TRPC6: variants seen among roughly 807,000 people sequenced by gnomAD.
TRPC6 encodes the protein short transient receptor potential channel 6.
Under a neutral mutation model 90.7 loss-of-function variants are expected in TRPC6, and 55 were observed. The observed-to-expected ratio is 0.61, with a 90% CI of 0.49 to 0.76. The LOEUF (loss-of-function observed/expected upper bound fraction) is 0.76, where lower values mean the gene tolerates loss of function less well. TRPC6 is among the 30% of genes least tolerant of loss of function. TRPC6 has a pLI of 0.00. For synonymous variants in TRPC6, 393 were observed against 393.0 expected (o/e 1.00, Z 0.00); for missense variants, 989 against 1,122.7 (o/e 0.88, Z 1.70).
intron 10 of TRPC6, among the ~76,000 whole-genome samples, chr11:101,469,138 T>G (rs1671366428): frequency 6.6e-6 from 1 of 152,212 alleles, no homozygotes; most frequent in Admixed American, 6.5e-5. Context: ...TCCATCAGGT[T>G]CCTGACAGAA....
intron 1 of TRPC6, among the ~76,000 whole-genome samples, chr11:101,544,651 G>A (rs1012668832): frequency 3.3e-5 from 5 of 151,578 alleles, no homozygotes; most frequent in African/African-American, 1.2e-4. Flanking sequence ...AACACCACAC[G>A]TTCTCACTCA....
At chr11:101,530,019 G>C (rs2136795253) in intron 1 of TRPC6, among the ~76,000 whole-genome samples, 1 of 152,262 alleles carries the variant, frequency 6.6e-6, no homozygotes, top group East Asian at 1.9e-4. Flanking sequence ...GCTCACCCAT[G>C]CCTAAAGTGA....
intron 2 of TRPC6, among the ~76,000 whole-genome samples, chr11:101,501,080 A>ATAC: frequency 6.9e-6 from 1 of 145,926 alleles, no homozygotes; most frequent in Non-Finnish European, 1.5e-5. Flanking sequence ...AAGGGAGCAA[A>ATAC]ATACATACAT....
intron 10 of TRPC6, among the ~76,000 whole-genome samples, chr11:101,466,324 G>C (rs562272885): frequency 6.6e-6 from 1 of 152,274 alleles, no homozygotes; most frequent in South Asian, 2.1e-4. Context: ...CCTTCCCCCA[G>C]GTGCTCTGTC....
intron 2 of TRPC6, among the ~76,000 whole-genome samples, chr11:101,502,904 A>G (rs1039514160): frequency 6.6e-6 from 1 of 152,212 alleles, no homozygotes; most frequent in Non-Finnish European, 1.5e-5. Context: ...GAAGCTGCCC[A>G]GGAAAGACTG....
At chr11:101,455,143 T>G in intron 10 of TRPC6, 42 bp from the exon 11 acceptor site, 1 of 1,520,000 alleles carries the variant, frequency 6.6e-7, no homozygotes, top group Non-Finnish European at 9.1e-7. Flanking sequence ...CTACTTACAT[T>G]TTCTTTTAAA....
At chr11:101,528,254 C>T (rs1329346005) in intron 1 of TRPC6, among the ~76,000 whole-genome samples, 3 of 152,178 alleles carry the variant, frequency 2.0e-5, no homozygotes, top group South Asian at 4.1e-4. Context: ...ATCATTAGAA[C>T]TTAAGATACT....
At chr11:101,549,672 T>C (rs1292410782) in intron 1 of TRPC6, among the ~76,000 whole-genome samples, 1 of 149,992 alleles carries the variant, frequency 6.7e-6, no homozygotes, top group Non-Finnish European at 1.5e-5. Flanking sequence ...AAAAGAAAAC[T>C]TGTATGCAAA....
At chr11:101,491,293 G>T (rs1287606537) in intron 3 of TRPC6, 1 of 354,190 alleles carries the variant, frequency 2.8e-6, no homozygotes, top group African/African-American at 2.1e-5. Flanking sequence ...AATTAGCCGG[G>T]CGTGGTGGTG....
intron 1 of TRPC6, among the ~76,000 whole-genome samples, chr11:101,580,795 T>C (rs998217082): frequency 2.0e-5 from 3 of 152,176 alleles, no homozygotes; most frequent in Admixed American, 6.5e-5. Context: ...ATATCTAAAA[T>C]GTACTAGTGA....
chr11:101,547,012 A>C (rs962435368), intron 1 of TRPC6, among the ~76,000 whole-genome samples: 1 of 152,182 alleles, frequency 6.6e-6, no homozygotes. Flanking sequence ...GTTTAAGGAT[A>C]AATACATAAA....
chr11:101,575,741 C>G (rs1391850476), intron 1 of TRPC6, among the ~76,000 whole-genome samples: 1 of 152,094 alleles, frequency 6.6e-6, no homozygotes, highest in Non-Finnish European at 1.5e-5. Flanking sequence ...AAGATTTCAA[C>G]AGAAAGAGAA....
At chr11:101,572,873 T>C (rs905025770) in intron 1 of TRPC6, among the ~76,000 whole-genome samples, 7 of 151,986 alleles carry the variant, frequency 4.6e-5, no homozygotes, top group African/African-American at 7.2e-5. Context: ...TGAGGGGCTA[T>C]GGGACGGATA....
intron 2 of TRPC6, among the ~76,000 whole-genome samples, chr11:101,495,419 T>A (rs1859918739): frequency 6.6e-6 from 1 of 151,974 alleles, no homozygotes; most frequent in Non-Finnish European, 1.5e-5. Flanking sequence ...CAGACCTGGG[T>A]TTGAAACTTA....
intron 5 of TRPC6, among the ~76,000 whole-genome samples, chr11:101,482,251 G>A (rs1859568355): frequency 6.6e-6 from 1 of 152,118 alleles, no homozygotes; most frequent in African/African-American, 2.4e-5. Flanking sequence ...CTTAACAAAG[G>A]CACTTAACAG....
At chr11:101,462,854 G>A (rs978158996) in intron 10 of TRPC6, among the ~76,000 whole-genome samples, 9 of 152,112 alleles carry the variant, frequency 5.9e-5, no homozygotes, top group Admixed American at 3.3e-4. Context: ...CGTTAAATAG[G>A]AGTGGTGAGG....
chr11:101,467,237 A>G (rs779392995), intron 10 of TRPC6, among the ~76,000 whole-genome samples: 1 of 152,070 alleles, frequency 6.6e-6, no homozygotes, highest in African/African-American at 2.4e-5. Context: ...ATGCCCATTT[A>G]TGATTTTTAA....
rs924268346 is a variant in TRPC6 at position 101,451,865 on chromosome 11, C to T, written c.*1090G>A. ...TTTGAGTAAACATATGAACCTTCAT[C>T]GCTTTTAGTTGTTTAAGACACCACT... On this transcript the variant is annotated 3_prime_UTR_variant, in exon 13 of 13. Transcript: ENST00000344327. 1.3e-5 allele frequency: 2 copies of T among 152,130 alleles called. No homozygotes were observed. The highest frequency in any genetic ancestry group is 2.9e-5 in the Non-Finnish European group (2 of 68,016). 9.4% of individuals were successfully genotyped at this position (152,130 alleles called of 1,614,324 possible).
At chr11:101,467,358 T>A (rs1859173532) in intron 10 of TRPC6, among the ~76,000 whole-genome samples, 1 of 152,222 alleles carries the variant, frequency 6.6e-6, no homozygotes, top group Non-Finnish European at 1.5e-5. Context: ...GTATACTTAC[T>A]CTTCCTGCTC....
Sources: allele counts gnomAD v4.1 joint callset (sites outside exome capture counted in the v4.1 genomes callset), GRCh38; gene constraint gnomAD v4.1.1; transcripts MANE v1.5; gene names NCBI Gene and HGNC (gene_info 2026-07-23, HGNC 2026-07-21).